RHBDD1: variants seen among roughly 807,000 people sequenced by gnomAD.
RHBDD1 encodes rhomboid domain containing 1, also known as rhomboid-related protein 4.
RHBDD1 carries 38 observed loss-of-function variants against 36.3 expected under a neutral mutation model. That is an observed-to-expected ratio of 1.05 (90% CI 0.81 to 1.37). The LOEUF (loss-of-function observed/expected upper bound fraction) is 1.37. RHBDD1 is among the 40% of genes most tolerant of loss of function. RHBDD1 has a pLI of 0.00. For synonymous variants in RHBDD1, 151 were observed against 136.5 expected (o/e 1.11, Z -0.74); for missense variants, 393 against 377.6 (o/e 1.04, Z -0.34).
At chr2:226,903,790 C>G (rs548775870) in intron 5 of RHBDD1, among the ~76,000 whole-genome samples, 1 of 152,160 alleles carries the variant, frequency 6.6e-6, no homozygotes, top group Non-Finnish European at 1.5e-5. Context: ...CCACACCCCC[C>G]TCTCCTGTAT....
intron 8 of RHBDD1, among the ~76,000 whole-genome samples, chr2:226,972,940 A>C (rs200947341): frequency 1.3e-5 from 2 of 151,754 alleles, no homozygotes; most frequent in South Asian, 2.1e-4. Context: ...AAAAAAAAAA[A>C]AAAAACAAAA....
At chr2:226,944,411 G>T (rs1950845173) in intron 8 of RHBDD1, among the ~76,000 whole-genome samples, 1 of 152,094 alleles carries the variant, frequency 6.6e-6, no homozygotes, top group South Asian at 2.1e-4. Context: ...CAGGCTAGGG[G>T]GACACTGTCA....
In RHBDD1 at chr2:226,906,916, T is replaced by G. The variant is rs765492300; in HGVS notation, c.655+35T>G. ...AAAACACCTTTGGCATGACAACAGC[T>G]TGGAAGTTCATGTTAATTTTAATGT... On this transcript the variant is annotated intron_variant, in intron 6 of 8. Transcript: ENST00000392062. 3.1e-6 allele frequency: 5 copies of G among 1,605,428 alleles called. No individual in the cohort carries two copies. The South Asian group carries it at 4.4e-5, about 14-fold the overall frequency.
chr2:226,915,204 C>A (rs986031826), intron 8 of RHBDD1, among the ~76,000 whole-genome samples: 4 of 152,008 alleles, frequency 2.6e-5, no homozygotes, highest in Non-Finnish European at 4.4e-5. Context: ...TTTTTCATAC[C>A]TAGAACTATC....
chr2:226,844,150 T>A (rs889098365), intron 3 of RHBDD1, among the ~76,000 whole-genome samples: 9 of 152,212 alleles, frequency 5.9e-5, no homozygotes, highest in African/African-American at 1.9e-4. Context: ...GAGAACCAGC[T>A]TCAAAAGTTG....
At chr2:226,856,965 A>C (rs1297820875) in intron 3 of RHBDD1, among the ~76,000 whole-genome samples, 1 of 152,164 alleles carries the variant, frequency 6.6e-6, no homozygotes, top group Non-Finnish European at 1.5e-5. Flanking sequence ...AACATGTTAT[A>C]TCACAGGGGA....
chr2:226,869,260 C>G (rs1045385353), intron 5 of RHBDD1: 3 of 830,896 alleles, frequency 3.6e-6, no homozygotes, highest in Non-Finnish European at 4.4e-6. Flanking sequence ...TGTCTTTGAA[C>G]TTAAAGTCTT....
the RHBDD1 span, among the ~76,000 whole-genome samples, chr2:226,816,623 C>T: frequency 1.3e-5 from 2 of 152,216 alleles, no homozygotes; most frequent in Non-Finnish European, 2.9e-5. Flanking sequence ...AGGCCAGGCA[C>T]AGTGGCTCAC....
chr2:226,834,080 T>G (rs16822724), upstream of RHBDD1, among the ~76,000 whole-genome samples: 34,433 of 151,972 alleles, frequency 0.23, 7,196 homozygotes, highest in African/African-American at 0.56. Context: ...CGTATATATT[T>G]CTTACATTTT....
chr2:226,808,328 G>A, the RHBDD1 span: 1 of 152,208 alleles, frequency 6.6e-6, no homozygotes, highest in Non-Finnish European at 1.5e-5. Flanking sequence ...TTCTATGGCT[G>A]GGTTAAGAAA....
chr2:226,995,930 G>T lies in RHBDD1; in HGVS notation c.*408G>T, dbSNP rs1344738743. 1 of 170,994 alleles carries T rather than the reference G, an allele frequency of 5.8e-6. No homozygotes were observed. The highest frequency in any genetic ancestry group is 1.2e-5 in the Non-Finnish European group (1 of 80,878). 10.6% of individuals were successfully genotyped at this position (170,994 alleles called of 1,614,324 possible). A position where few individuals can be genotyped will look rare whatever the true frequency, so the allele number is the denominator to read the frequency against. ...CCGTGTTTGACTTGGCAGCGGGTGT[G>T]GAGCCATCCCCGCGTCCTCCTGGCG... On this transcript the variant is annotated 3_prime_UTR_variant, in exon 9 of 9. Coordinates refer to ENST00000392062, the MANE Select transcript of RHBDD1 (RefSeq NM_001167608.3).
chr2:226,855,253 A>C lies in RHBDD1; in HGVS notation c.-90-9351A>C, dbSNP rs982218978. Among the ~76,000 whole-genome samples, 3 of 152,350 alleles carry C rather than the reference A, an allele frequency of 2.0e-5. No homozygotes were observed. In the East Asian group the frequency reaches 5.8e-4, roughly 29 times the overall value. On this transcript the variant is annotated intron_variant, in intron 3 of 8. Transcript: ENST00000392062. ...TTGGGTATGGTGGCTCACACCTGTA[A>C]TCTCAATACTTTGGGAGGCCAAAGT...
chr2:226,810,491 A>C, the RHBDD1 span, among the ~76,000 whole-genome samples: 1 of 140,890 alleles, frequency 7.1e-6, no homozygotes, highest in Non-Finnish European at 1.5e-5. Flanking sequence ...CAGTGAGCCG[A>C]GATCACACCA....
the RHBDD1 span, among the ~76,000 whole-genome samples, chr2:226,827,784 T>C: frequency 6.6e-6 from 1 of 152,062 alleles, no homozygotes; most frequent in African/African-American, 2.4e-5. Flanking sequence ...CTAGAAGCTC[T>C]TAGAGTGTGA....
At chr2:226,812,013 A>T in the RHBDD1 span, among the ~76,000 whole-genome samples, 2 of 152,214 alleles carry the variant, frequency 1.3e-5, no homozygotes, top group African/African-American at 4.8e-5. Context: ...TCATCTGTCA[A>T]TTCTGTCAAC....
intron 8 of RHBDD1, among the ~76,000 whole-genome samples, chr2:226,994,952 C>T (rs1959073121): frequency 6.6e-6 from 1 of 152,114 alleles, no homozygotes; most frequent in Non-Finnish European, 1.5e-5. Flanking sequence ...GTGTTTCAAT[C>T]ACGCATGATT....
chr2:226,907,193 C>T (rs577764149), intron 6 of RHBDD1, among the ~76,000 whole-genome samples: 1 of 152,286 alleles, frequency 6.6e-6, no homozygotes, highest in South Asian at 2.1e-4. Context: ...ACTAAAGTGC[C>T]TTTAAAATAA....
intron 5 of RHBDD1, among the ~76,000 whole-genome samples, chr2:226,890,695 A>T (rs1946607434): frequency 1.3e-5 from 2 of 152,198 alleles, no homozygotes; most frequent in African/African-American, 2.4e-5. Flanking sequence ...TAGTTATTTT[A>T]AAATGCTTGG....
At chr2:226,963,018 T>C (rs983025471) in intron 8 of RHBDD1, among the ~76,000 whole-genome samples, 3 of 152,124 alleles carry the variant, frequency 2.0e-5, no homozygotes, top group Non-Finnish European at 4.4e-5. Context: ...GACTGCCCTG[T>C]GTATTGTGCA....
Sources: gnomAD v4.1 joint callset for allele counts (sites outside exome capture counted in the v4.1 genomes callset) on GRCh38, gnomAD v4.1.1 for gene constraint, MANE v1.5 for transcripts, NCBI Gene and HGNC (gene_info 2026-07-23, HGNC 2026-07-21) for gene names.